VTI1A: variants seen among roughly 807,000 people sequenced by gnomAD.
The protein encoded by VTI1A is vesicle transport through interaction with t-SNAREs homolog 1A.
Under a neutral mutation model 34.9 loss-of-function variants are expected in VTI1A, and 22 were observed. The observed-to-expected ratio is 0.63, with a 90% CI of 0.45 to 0.90. The LOEUF (loss-of-function observed/expected upper bound fraction) is 0.90. Among genes scored for constraint, VTI1A ranks in the 40% least tolerant of loss-of-function variants. VTI1A has a pLI of 0.00. For missense variants in VTI1A, 268 were observed against 275.6 expected, an observed-to-expected ratio of 0.97 and a Z score of 0.20; for synonymous variants, 87 against 97.3, an observed-to-expected ratio of 0.89 and a Z score of 0.62.
At chr10:112,601,471 T>C (rs1844874436) in intron 5 of VTI1A, among the ~76,000 whole-genome samples, 1 of 152,126 alleles carries the variant, frequency 6.6e-6, no homozygotes, top group Non-Finnish European at 1.5e-5. Context: ...GGGGAATCTT[T>C]TGTAAATGTG....
At chr10:112,515,373 T>A (rs1376993238) in intron 3 of VTI1A, among the ~76,000 whole-genome samples, 2 of 152,128 alleles carry the variant, frequency 1.3e-5, no homozygotes, top group Admixed American at 6.6e-5. Flanking sequence ...AATTATATTA[T>A]TTTTTATTGA....
intron 1 of VTI1A, among the ~76,000 whole-genome samples, chr10:112,456,491 C>T (rs1362023742): frequency 1.3e-5 from 2 of 151,200 alleles, no homozygotes; most frequent in East Asian, 3.9e-4. Context: ...CCCCTAGAGC[C>T]GAGCATAGAA....
chr10:112,707,749 C>A (rs1418514672), intron 7 of VTI1A, among the ~76,000 whole-genome samples: 1 of 152,160 alleles, frequency 6.6e-6, no homozygotes, highest in Non-Finnish European at 1.5e-5. Flanking sequence ...CTGATTTGCT[C>A]TTACTTTGCA....
At chr10:112,547,147 G>T (rs1851161221) in intron 5 of VTI1A, among the ~76,000 whole-genome samples, 1 of 152,006 alleles carries the variant, frequency 6.6e-6, no homozygotes, top group South Asian at 2.1e-4. Flanking sequence ...GTTCATAATG[G>T]CATGTGCCTG....
intron 5 of VTI1A, among the ~76,000 whole-genome samples, chr10:112,636,689 A>C (rs1050994540): frequency 1.4e-5 from 2 of 146,700 alleles, no homozygotes; most frequent in African/African-American, 5.0e-5. Flanking sequence ...AGATTGCACC[A>C]CTGCACTCCA....
the VTI1A span, among the ~76,000 whole-genome samples, chr10:112,845,517 A>C: frequency 6.6e-6 from 1 of 152,344 alleles, no homozygotes; most frequent in Non-Finnish European, 1.5e-5. Context: ...TAACTTGCGC[A>C]GCAGCGACCC....
At chr10:112,550,877 G>T (rs1428077230) in intron 5 of VTI1A, among the ~76,000 whole-genome samples, 2 of 152,082 alleles carry the variant, frequency 1.3e-5, no homozygotes, top group African/African-American at 4.8e-5. Flanking sequence ...TACCCTCCAC[G>T]TTGCTAATTT....
chr10:112,591,908 T>C (rs1267883330), intron 5 of VTI1A, among the ~76,000 whole-genome samples: 1 of 152,232 alleles, frequency 6.6e-6, no homozygotes, highest in Non-Finnish European at 1.5e-5. Flanking sequence ...ATGTTAGCCC[T>C]TTAAAGCAGA....
Position 112,518,609 on chromosome 10 carries a change from A to ATG in VTI1A, c.265-8477_265-8476insGT, listed in dbSNP as rs1564809966. Reference sequence around the variant, plus strand: ...TCTCTCTATATATATATATATATATATATGTGTGTGTGTGTATGTGTATAT... The same window carrying ATG: ...TCTCTCTATATATATATATATATATATGTATGTGTGTGTGTGTATGTGTATAT... On this transcript the variant is annotated intron_variant, in intron 3 of 7. Transcript: ENST00000393077. Among the ~76,000 whole-genome samples the ATG allele has an allele frequency of 5.9e-4, 83 of 140,878 alleles. 1 individual carries two copies. Among genetic ancestry groups the ATG allele is most frequent in the East Asian group, 2.8e-3 (13 of 4,648 alleles). 92.4% of individuals were successfully genotyped at this position (140,878 alleles called of 152,430 possible). A position where few individuals can be genotyped will look rare whatever the true frequency, so the allele number is the denominator to read the frequency against.
intron 7 of VTI1A, among the ~76,000 whole-genome samples, chr10:112,733,542 G>A (rs1049229681): frequency 1.1e-4 from 17 of 152,024 alleles, no homozygotes; most frequent in Non-Finnish European, 2.1e-4. Flanking sequence ...ATTCTCTGGC[G>A]TAGTGGTGTT....
At chr10:112,851,476 C>T in the VTI1A span, among the ~76,000 whole-genome samples, 1 of 152,196 alleles carries the variant, frequency 6.6e-6, no homozygotes, top group Non-Finnish European at 1.5e-5. Context: ...CGCTGAACCC[C>T]TGTGGAAGTG....
chr10:112,854,516 G>A, the VTI1A span, among the ~76,000 whole-genome samples: 4 of 151,840 alleles, frequency 2.6e-5, no homozygotes, highest in East Asian at 3.9e-4. Context: ...GGCCCCGGCC[G>A]CCCAGAGATC....
At chr10:112,585,750 A>G (rs2134414299) in intron 5 of VTI1A, among the ~76,000 whole-genome samples, 1 of 149,110 alleles carries the variant, frequency 6.7e-6, no homozygotes, top group Admixed American at 6.8e-5. Context: ...GAATTAGCAT[A>G]TTGACATAGA....
rs534688822 is a variant in VTI1A, at chr10:112,585,059, T to C, written c.427+46729T>C. Reference sequence around the variant, plus strand: ...TTTTAATAACAAGGATTACACAAACTAGCTTCTTTAATTGAGGGTGGATCA... The same window carrying C: ...TTTTAATAACAAGGATTACACAAACCAGCTTCTTTAATTGAGGGTGGATCA... On this transcript the variant is annotated intron_variant, in intron 5 of 7. Coordinates refer to ENST00000393077, the MANE Select transcript of VTI1A (RefSeq NM_145206.4). 2.0e-5 allele frequency among the ~76,000 whole-genome samples: 3 copies of C among 152,336 alleles called. No individual in the cohort carries two copies. In the South Asian group the frequency reaches 6.2e-4, roughly 32 times the overall value.
intron 7 of VTI1A, among the ~76,000 whole-genome samples, chr10:112,798,929 C>T (rs772167971): frequency 4.6e-5 from 7 of 152,186 alleles, no homozygotes; most frequent in Middle Eastern, 3.2e-3. Flanking sequence ...TTTCCAGCCA[C>T]GTGCTGCAGA....
chr10:112,673,008 CA>C (rs754805240), intron 7 of VTI1A, among the ~76,000 whole-genome samples: 40 of 152,170 alleles, frequency 2.6e-4, no homozygotes, highest in Non-Finnish European at 5.0e-4. Flanking sequence ...TATATGCTGG[CA>C]AAGTGCTTAT....
At chr10:112,729,590 G>T in intron 7 of VTI1A, among the ~76,000 whole-genome samples, 1 of 152,000 alleles carries the variant, frequency 6.6e-6, no homozygotes, top group Non-Finnish European at 1.5e-5. Context: ...TTATGAAATA[G>T]ACCACATGCG....
intron 5 of VTI1A, among the ~76,000 whole-genome samples, chr10:112,641,955 C>A (rs1365934470): frequency 6.6e-6 from 1 of 152,206 alleles, no homozygotes; most frequent in African/African-American, 2.4e-5. Context: ...AGAAATTGAA[C>A]TGATCGCACC....
chr10:112,829,634 G>A, the VTI1A span, among the ~76,000 whole-genome samples: 17 of 151,902 alleles, frequency 1.1e-4, no homozygotes, highest in African/African-American at 4.1e-4. Context: ...GGCACCTGTA[G>A]TCCTGGCTAC....
Sources: allele counts gnomAD v4.1 joint callset (sites outside exome capture counted in the v4.1 genomes callset), GRCh38; gene constraint gnomAD v4.1.1; transcripts MANE v1.5; gene names NCBI Gene and HGNC (gene_info 2026-07-23, HGNC 2026-07-21).